ME3: variants seen among roughly 807,000 people sequenced by gnomAD.
ME3 encodes NADP-dependent malic enzyme, mitochondrial.
Under a neutral mutation model 68.9 loss-of-function variants are expected in ME3, and 48 were observed. The observed-to-expected ratio is 0.70, with a 90% confidence interval of 0.55 to 0.89. The LOEUF (loss-of-function observed/expected upper bound fraction) is 0.89. Among genes scored for constraint, ME3 ranks in the 40% least tolerant of loss-of-function variants. The pLI is 0.00. For synonymous variants in ME3, 320 were observed against 318.8 expected, an observed-to-expected ratio of 1.00 and a Z score of -0.04; for missense variants, 675 against 797.4, an observed-to-expected ratio of 0.85 and a Z score of 1.85.
At chr11:86,474,443 G>A (rs1950951057) in intron 7 of ME3, among the ~76,000 whole-genome samples, 1 of 152,152 alleles carries the variant, frequency 6.6e-6, no homozygotes, top group Non-Finnish European at 1.5e-5. Context: ...GGAGGGGATG[G>A]TGGCTGACCT....
intron 5 of ME3, among the ~76,000 whole-genome samples, chr11:86,505,898 G>A (rs770506221): frequency 1.6e-4 from 25 of 152,162 alleles, no homozygotes; most frequent in Non-Finnish European, 3.1e-4. Context: ...TGTACTCTGC[G>A]GTACCACAGG....
chr11:86,629,814 G>A lies in ME3; in HGVS notation c.183+41948C>T, dbSNP rs7111906. 7.8e-3 allele frequency among the ~76,000 whole-genome samples: 1,191 copies of A among 152,264 alleles called. 16 individuals carry two copies. The highest frequency in any genetic ancestry group is 0.027 in the African/African-American group (1,139 of 41,550). ...TAGCTGGGCTTACTACTACCCACCCGCTGCTGCCAGGCACCTCACTAGCAG... is the reference window on the plus strand; with the variant it reads ...TAGCTGGGCTTACTACTACCCACCCACTGCTGCCAGGCACCTCACTAGCAG... On this transcript the variant is annotated intron_variant, in intron 2 of 14. Transcript: ENST00000543262.
Position 86,489,493 on chromosome 11 carries a change from G to A in ME3, c.706-2053C>T, listed in dbSNP as rs374070063. ...CCCTAAGTGCTTTACTTAACCCAAT[G>A]AGGTTGTGTCAGCCATGGAGGTGTG... is the stretch of plus-strand genomic sequence containing the variant. On this transcript the variant is annotated intron_variant, in intron 6 of 14. Coordinates refer to ENST00000543262, the Ensembl canonical transcript of ME3. Among the ~76,000 whole-genome samples the A allele has an allele frequency of 2.0e-5, 3 of 152,314 alleles. No individual in the cohort carries two copies. The South Asian group carries it at 6.2e-4, about 32-fold the overall frequency.
chr11:86,539,940 C>G (rs1565923642), intron 4 of ME3, among the ~76,000 whole-genome samples: 1 of 152,236 alleles, frequency 6.6e-6, no homozygotes, highest in Non-Finnish European at 1.5e-5. Context: ...CAACACCTCA[C>G]TAGGGCACCC....
Position 86,514,219 on chromosome 11 carries a change from C to T in ME3, c.468-5352G>A, listed in dbSNP as rs750875861. Among the ~76,000 whole-genome samples the T allele has an allele frequency of 1.6e-3, 242 of 152,110 alleles. 2 individuals are homozygous for T. The highest frequency in any genetic ancestry group is 3.0e-3 in the Non-Finnish European group (205 of 68,018). ...CATAATCATAAGTTTCCTGAGGCCT[C>T]CCCAGCCATGTGGAACTGCAAGTCT... On this transcript the variant is annotated intron_variant, in intron 4 of 14. Transcript: ENST00000543262.
intron 2 of ME3, among the ~76,000 whole-genome samples, chr11:86,624,942 G>C (rs1943566958): frequency 6.6e-6 from 1 of 152,202 alleles, no homozygotes; most frequent in Non-Finnish European, 1.5e-5. Context: ...TTTGGACTAT[G>C]TGTAGAGAGA....
At chr11:86,446,275 C>A (rs778909092) in intron 13 of ME3, 39 bp downstream of exon 13, 21 of 1,608,686 alleles carry the variant, frequency 1.3e-5, no homozygotes, top group Non-Finnish European at 1.7e-5. Context: ...AACCCACAGA[C>A]CCTACTGCAA....
chr11:86,448,315 G>T, intron 10 of ME3, 60 bp from the exon 11 acceptor site: 1 of 1,264,256 alleles, frequency 7.9e-7, no homozygotes, highest in Non-Finnish European at 1.2e-6. Context: ...TAGGAGTACA[G>T]ATGCATTTGG....
At chr11:86,624,756 A>G (rs1415049971) in intron 2 of ME3, among the ~76,000 whole-genome samples, 1 of 152,246 alleles carries the variant, frequency 6.6e-6, no homozygotes, top group Non-Finnish European at 1.5e-5. Context: ...TGATTCCTCC[A>G]AACTTCTCCT....
chr11:86,537,045 C>G (rs1049436602), intron 4 of ME3, among the ~76,000 whole-genome samples: 8 of 149,076 alleles, frequency 5.4e-5, no homozygotes, highest in Admixed American at 1.3e-4. Flanking sequence ...AACAAAAAAC[C>G]AAACACCGCA....
chr11:86,652,700 C>A (rs1619882), intron 2 of ME3, among the ~76,000 whole-genome samples: 137,954 of 151,512 alleles, frequency 0.91, 62,891 homozygotes, highest in Middle Eastern at 0.97. Flanking sequence ...TGAGCAAAAT[C>A]ACCAGCTAAC....
chr11:86,641,517 T>A (rs1201793537), intron 2 of ME3, among the ~76,000 whole-genome samples: 3 of 152,220 alleles, frequency 2.0e-5, no homozygotes, highest in African/African-American at 7.2e-5. Context: ...ATGAAATGTT[T>A]ACAGTGTTAG....
At chr11:86,478,491 C>T (rs1187250893) in intron 7 of ME3, among the ~76,000 whole-genome samples, 1 of 152,136 alleles carries the variant, frequency 6.6e-6, no homozygotes, top group Non-Finnish European at 1.5e-5. Context: ...GTAGATTTCC[C>T]TAGGGAAGGC....
chr11:86,529,313 G>T (rs1955020174), intron 4 of ME3, among the ~76,000 whole-genome samples: 4 of 152,168 alleles, frequency 2.6e-5, no homozygotes, highest in Non-Finnish European at 2.9e-5. Context: ...CCAGGAAGAA[G>T]TTGAATCTCT....
At chr11:86,574,003 C>G (rs1302641542) in intron 2 of ME3, among the ~76,000 whole-genome samples, 1 of 152,132 alleles carries the variant, frequency 6.6e-6, no homozygotes, top group African/African-American at 2.4e-5. Context: ...GGTGGATAAG[C>G]TTTTTGATGT....
chr11:86,664,620 G>A (rs1476956593), intron 2 of ME3, among the ~76,000 whole-genome samples: 1 of 152,074 alleles, frequency 6.6e-6, no homozygotes, highest in Non-Finnish European at 1.5e-5. Context: ...CTTTTATAGG[G>A]GTCCTACAGA....
chr11:86,571,710 G>A (rs1046324900), intron 2 of ME3, among the ~76,000 whole-genome samples: 3 of 152,250 alleles, frequency 2.0e-5, no homozygotes, highest in South Asian at 2.1e-4. Flanking sequence ...CTTTGGGTCC[G>A]GCTCTGGCCA....
intron 4 of ME3, among the ~76,000 whole-genome samples, chr11:86,532,634 A>T (rs540573634): frequency 6.6e-6 from 1 of 152,368 alleles, no homozygotes; most frequent in South Asian, 2.1e-4. Context: ...AGGTCAAAGA[A>T]GCAATTTAAA....
chr11:86,592,276 A>C (rs1959108529), intron 2 of ME3, among the ~76,000 whole-genome samples: 1 of 152,164 alleles, frequency 6.6e-6, no homozygotes, highest in Non-Finnish European at 1.5e-5. Context: ...TTTCTAAAGC[A>C]CCAGACAATT....
Sources: gnomAD v4.1 joint callset for allele counts (sites outside exome capture counted in the v4.1 genomes callset) on GRCh38, gnomAD v4.1.1 for gene constraint, MANE v1.5 for transcripts, NCBI Gene and HGNC (gene_info 2026-07-23, HGNC 2026-07-21) for gene names.